The following BEST1 variants were observed in gnomAD, a reference collection of about 807,000 sequenced individuals.
BEST1 encodes the protein bestrophin 1, also known as bestrophin-1.
In BEST1, 58 loss-of-function variants were observed where a neutral mutation model predicts 63.3. The observed-to-expected ratio is 0.92, with a 90% CI of 0.74 to 1.14. BEST1 has a LOEUF of 1.14. Ranked by LOEUF, BEST1 falls within the 50% of genes most tolerant of loss-of-function variation. The pLI, the probability that BEST1 is intolerant of heterozygous loss-of-function variation, is 0.00. For synonymous variants in BEST1, 283 were observed against 291.6 expected, an observed-to-expected ratio of 0.97 and a Z score of 0.30; for missense variants, 671 against 740.1, an observed-to-expected ratio of 0.91 and a Z score of 1.08.
At chr11:61,963,860 CTGGGCGTCG>C (rs1942327749) in intron 10 of BEST1, 4 of 1,261,578 alleles carry the variant, frequency 3.2e-6, no homozygotes, top group Non-Finnish European at 4.1e-6. Context: ...TACAAATCAG[CTGGGCGTCG>C]TGGTGTGCCT....
Position 61,960,265 on chromosome 11 carries a change from T to C in BEST1, c.1100+222T>C, listed in dbSNP as rs1464597322. On this transcript the variant is annotated intron_variant, in intron 9 of 10. Transcript: ENST00000378043. ...AAGTACAGGTTCAGAGAGAGTAAGT[T>C]GTCCAAGGCCACATAGCTACCAAAT... is the stretch of plus-strand genomic sequence containing the variant. 9.1e-6 allele frequency: 6 copies of C among 657,220 alleles called. No homozygotes were observed. The East Asian group carries it at 1.7e-4, about 18-fold the overall frequency. 40.7% of individuals were successfully genotyped at this position (657,220 alleles called of 1,614,324 possible). A position where few individuals can be genotyped will look rare whatever the true frequency, so the allele number is the denominator to read the frequency against.
intron 5 of BEST1, 66 bp from the exon 6 acceptor site, chr11:61,957,321 G>C: frequency 1.4e-6 from 2 of 1,443,476 alleles, no homozygotes; most frequent in South Asian, 2.3e-5. Flanking sequence ...TGGAGAAGAG[G>C]TGGGGGCGAG....
At chr11:61,950,605 C>T (rs1054733707) in intron 1 of BEST1, among the ~76,000 whole-genome samples, 178 bp downstream of exon 1, 1 of 152,186 alleles carries the variant, frequency 6.6e-6, no homozygotes, top group Admixed American at 6.5e-5. Flanking sequence ...GTGCATCAGG[C>T]ACAGCCAGCC....
At chr11:61,962,109 G>A (rs905541812) in intron 9 of BEST1, 146 bp from the exon 10 acceptor site, 11 of 777,500 alleles carry the variant, frequency 1.4e-5, no homozygotes, top group Admixed American at 1.0e-4. Flanking sequence ...GATCAGGAGA[G>A]AGGTGAGAGC....
At chr11:61,964,575 AT>A, downstream of BEST1, 1 of 897,348 alleles carries the variant, frequency 1.1e-6, no homozygotes, top group South Asian at 1.5e-5. Context: ...TGGGTACCAA[AT>A]TTCTTTATTT....
chr11:61,954,987 G>GA (rs1385731123), intron 2 of BEST1, 120 bp from the exon 3 acceptor site: 27 of 1,532,496 alleles, frequency 1.8e-5, no homozygotes, highest in Non-Finnish European at 2.3e-5. Flanking sequence ...CTGGGCTGGG[G>GA]AAAATGTGGG....
intron 2 of BEST1, among the ~76,000 whole-genome samples, chr11:61,953,546 C>T (rs1377764557): frequency 1.3e-5 from 2 of 152,126 alleles, no homozygotes; most frequent in Admixed American, 6.6e-5. Flanking sequence ...CCAATCTCTA[C>T]TAAAAATACA....
downstream of BEST1, chr11:61,964,563 C>T (rs3180123): frequency 7.3e-6 from 6 of 822,992 alleles, no homozygotes; most frequent in South Asian, 3.1e-5. Context: ...AAAGACAACA[C>T]CTGGGTACCA....
chr11:61,951,766 A>G lies in BEST1; in HGVS notation c.-36-5A>G. On this transcript the variant is annotated splice_region_variant and splice_polypyrimidine_tract_variant and intron_variant, in intron 1 of 10. Coordinates refer to ENST00000378043, the MANE Select transcript of BEST1 (RefSeq NM_004183.4). The stretch of plus-strand genomic sequence containing the variant: ...AAACCCCCAATCGGTGTCCCTCTCT[A>G]CCAGGACCCAAGCCCACCTGCTGCA... The G allele has an allele frequency of 1.2e-6, 2 of 1,608,494 alleles. No individual in the cohort carries two copies. Among genetic ancestry groups the G allele is most frequent in the Non-Finnish European group, 1.7e-6 (2 of 1,179,722 alleles).
intron 4 of BEST1, among the ~76,000 whole-genome samples, chr11:61,956,462 A>G (rs1405620252): frequency 1.3e-5 from 2 of 152,056 alleles, no homozygotes; most frequent in African/African-American, 2.4e-5. Context: ...GACGCCCCTG[A>G]GCAACATAGC....
chr11:61,964,173 C>T lies in BEST1; in HGVS notation c.*51C>T, dbSNP rs370733188. 1.2e-5 allele frequency: 20 copies of T among 1,612,746 alleles called. No homozygotes were observed. In the East Asian group the frequency reaches 4.0e-4, roughly 32 times the overall value. On this transcript the variant is annotated 3_prime_UTR_variant, in exon 11 of 11. Transcript: ENST00000378043. The stretch of plus-strand genomic sequence containing the variant: ...CCAGCCAGGTCCTCACCTGTGTGTA[C>T]ACCAGCAGGACACTGATCCAGTCAC...
intron 3 of BEST1, 198 bp downstream of exon 3, chr11:61,955,399 TGCCGTTA>T: frequency 6.9e-7 from 1 of 1,445,434 alleles, no homozygotes; most frequent in Non-Finnish European, 9.1e-7. Flanking sequence ...TAAGACGTCC[TGCCGTTA>T]GCAATGAAAA....
chr11:61,962,636 C>A lies in BEST1; in HGVS notation c.1482C>A (p.Gly494=), dbSNP rs1942189183. ...SAPSKLHSVT[G]IDTKDKSLKT... is the part of the protein sequence containing the mutation. ...CGTCAAAGCTTCACAGTGTCACAGGCATAGACACCAAAGACAAAAGCTTAA... is the reference window on the plus strand; with the variant it reads ...CGTCAAAGCTTCACAGTGTCACAGGAATAGACACCAAAGACAAAAGCTTAA... The change falls in exon 10 of 11, where the codon GGC becomes GGA. Residue 494 remains glycine, a synonymous_variant. Coordinates refer to ENST00000378043, the MANE Select transcript of BEST1 (RefSeq NM_004183.4). The A allele has an allele frequency of 6.2e-7, 1 of 1,614,218 alleles. No individual in the cohort carries two copies. The highest frequency in any genetic ancestry group is 2.2e-5 in the East Asian group (1 of 44,886).
Position 61,964,232 on chromosome 11 carries a change from CTA to C in BEST1, c.*111_*112del. 6.3e-7 allele frequency: 1 copy of C among 1,575,196 alleles called. No homozygotes were observed. Among genetic ancestry groups the C allele is most frequent in the East Asian group, 2.3e-5 (1 of 44,140 alleles). ...AGCTGTCCACACTGAAGAACATGTC[CTA>C]CAACAGCCTGAATCAAATGGTTAGC... is the stretch of plus-strand genomic sequence containing the variant. On this transcript the variant is annotated 3_prime_UTR_variant, in exon 11 of 11. Coordinates refer to ENST00000378043, the MANE Select transcript of BEST1 (RefSeq NM_004183.4).
upstream of BEST1, chr11:61,950,183 T>TA (rs2134402803): frequency 6.6e-6 from 1 of 152,472 alleles, no homozygotes; most frequent in South Asian, 2.1e-4. Context: ...AAGAAGAAAT[T>TA]AGAGGGGCCA....
rs753857645 is a variant in BEST1 at position 61,963,074 on chromosome 11, G to C, written c.1739+181G>C. The C allele has an allele frequency of 3.2e-5, 47 of 1,487,078 alleles. No homozygotes were observed. The highest frequency in any genetic ancestry group is 3.9e-5 in the Non-Finnish European group (44 of 1,115,904). The allele number at this position is 1,487,078 out of a possible 1,614,324, so 92.1% of individuals were successfully genotyped here. On this transcript the variant is annotated intron_variant, in intron 10 of 10. Coordinates refer to ENST00000378043, the MANE Select transcript of BEST1 (RefSeq NM_004183.4). ...TGGCCACCTTCACAGGGATCCTAGG[G>C]AAGTGTTCGGGACCTTTTCTCACTT...
At chr11:61,965,300 TTAAG>T (rs1289329640), downstream of BEST1, 1 of 1,608,110 alleles carries the variant, frequency 6.2e-7, no homozygotes, top group African/African-American at 1.3e-5. Flanking sequence ...AATTGCTAGT[TTAAG>T]TGATTTCTGA....
At chr11:61,965,210 AT>A, downstream of BEST1, 3 of 1,590,794 alleles carry the variant, frequency 1.9e-6, no homozygotes, top group Middle Eastern at 5.0e-4. Flanking sequence ...GGACATTACT[AT>A]TTGCCTAATT....
At position 61,962,790 on chromosome 11, in the gene BEST1, G is replaced by A. The variant is rs773615280; in HGVS notation, c.1636G>A (p.Glu546Lys). 1 of 1,614,094 alleles carries A rather than the reference G, an allele frequency of 6.2e-7. No homozygotes were observed. The highest frequency in any genetic ancestry group is 1.3e-5 in the African/African-American group (1 of 74,930). ...GGAGTTTAACCTGACGGATATGCCA[G>A]AGATCCCCGAAAATCACCTCAAAGA... ...TVEFNLTDMP[E>K]IPENHLKEPL... Residue 546 changes from glutamate (E) to lysine (K), a missense_variant, in exon 10 of 11, where the codon GAG (glutamate) becomes AAG (lysine). Coordinates refer to ENST00000378043, the MANE Select transcript of BEST1 (RefSeq NM_004183.4).
Sources: gnomAD v4.1 joint callset for allele counts (sites outside exome capture counted in the v4.1 genomes callset) on GRCh38, gnomAD v4.1.1 for gene constraint, MANE v1.5 for transcripts, NCBI Gene and HGNC (gene_info 2026-07-23, HGNC 2026-07-21) for gene names.